The following AGBL4 variants were observed in gnomAD, a reference collection of about 807,000 sequenced individuals.
AGBL4 encodes the protein cytosolic carboxypeptidase 6.
In AGBL4, 58 loss-of-function variants were observed where a neutral mutation model predicts 66.4. The observed-to-expected ratio is 0.87, with a 90% CI of 0.71 to 1.09. The LOEUF is 1.09. Among genes scored for constraint, AGBL4 ranks in the 50% least tolerant of loss-of-function variants. AGBL4 has a pLI of 0.00. For synonymous variants in AGBL4, 234 were observed against 222.9 expected, an observed-to-expected ratio of 1.05 and a Z score of -0.44; for missense variants, 579 against 631.0, an observed-to-expected ratio of 0.92 and a Z score of 0.88.
rs912978533 is a variant in AGBL4 at position 48,647,283 on chromosome 1, G to A, written c.839+6054C>T. ...CTCCACACTCCCAAGAAATACTGAGGTTTTCCAAAGATGAGAAATTTCACA... is the reference window on the plus strand; with the variant it reads ...CTCCACACTCCCAAGAAATACTGAGATTTTCCAAAGATGAGAAATTTCACA... On this transcript the variant is annotated intron_variant, in intron 8 of 13. Transcript: ENST00000371839. 2.0e-5 allele frequency among the ~76,000 whole-genome samples: 3 copies of A among 152,262 alleles called. No homozygotes were observed. The East Asian group carries it at 5.8e-4, about 29-fold the overall frequency.
intron 5 of AGBL4, among the ~76,000 whole-genome samples, chr1:48,905,357 G>A (rs764031250): frequency 1.4e-4 from 22 of 152,214 alleles, no homozygotes; most frequent in Admixed American, 2.6e-4. Flanking sequence ...ACAATGTTTG[G>A]TAACAAATGT....
intron 4 of AGBL4, among the ~76,000 whole-genome samples, chr1:49,128,653 TG>T (rs1218008487): frequency 6.6e-6 from 1 of 152,008 alleles, no homozygotes; most frequent in Non-Finnish European, 1.5e-5. Context: ...CTAGAACAAC[TG>T]GATATCCAAT....
chr1:49,948,022 A>ATATTTATATATATATATT (rs1557607811), intron 1 of AGBL4, among the ~76,000 whole-genome samples: 1 of 84,386 alleles, frequency 1.2e-5, no homozygotes, highest in African/African-American at 6.4e-5. Flanking sequence ...ATATAAATAT[A>ATATTTATATATATATATT]TATAAATATA....
chr1:48,959,815 C>T (rs1298363524), intron 5 of AGBL4, among the ~76,000 whole-genome samples: 1 of 152,134 alleles, frequency 6.6e-6, no homozygotes, highest in South Asian at 2.1e-4. Context: ...GCAGAGTAAT[C>T]AAGTGAGAGG....
chr1:49,916,844 G>T (rs1190718069), intron 1 of AGBL4, among the ~76,000 whole-genome samples: 9 of 152,134 alleles, frequency 5.9e-5, no homozygotes, highest in Non-Finnish European at 8.8e-5. Context: ...GAAAGGTCAG[G>T]TTACCCACAA....
In AGBL4 at chr1:49,434,922, C is replaced by T. The variant is rs529270656; in HGVS notation, c.283-189058G>A. 1.2e-4 allele frequency among the ~76,000 whole-genome samples: 19 copies of T among 152,096 alleles called. No homozygotes were observed. The South Asian group carries it at 2.9e-3, about 23-fold the overall frequency. Reference sequence around the variant, plus strand: ...TGGCATTCCCAAGTATTGGAGGTCTCGAGGGCCCACAGAGACAGCACCCTT... The same window carrying T: ...TGGCATTCCCAAGTATTGGAGGTCTTGAGGGCCCACAGAGACAGCACCCTT... On this transcript the variant is annotated intron_variant, in intron 3 of 13. Transcript: ENST00000371839.
intron 4 of AGBL4, among the ~76,000 whole-genome samples, chr1:49,210,796 C>G (rs1648606107): frequency 6.6e-6 from 1 of 152,094 alleles, no homozygotes; most frequent in South Asian, 2.1e-4. Flanking sequence ...ATCTTCTAAA[C>G]AAATAATAAA....
At chr1:49,043,654 T>C (rs927513617) in intron 5 of AGBL4, among the ~76,000 whole-genome samples, 2 of 152,174 alleles carry the variant, frequency 1.3e-5, no homozygotes, top group Admixed American at 6.6e-5. Flanking sequence ...ATATACCATG[T>C]ATACCAATTA....
At chr1:49,867,687 C>T (rs1646738028) in intron 1 of AGBL4, among the ~76,000 whole-genome samples, 2 of 152,028 alleles carry the variant, frequency 1.3e-5, no homozygotes, top group Non-Finnish European at 2.9e-5. Context: ...GAATTCATTG[C>T]CACCAGGTCT....
chr1:49,217,528 T>C (rs975456806), intron 4 of AGBL4, among the ~76,000 whole-genome samples: 3 of 152,178 alleles, frequency 2.0e-5, no homozygotes, highest in African/African-American at 7.2e-5. Context: ...TTACACTTGA[T>C]CTGTCCTTCT....
intron 2 of AGBL4, chr1:49,845,329 G>A (rs1646112195): frequency 1.3e-6 from 2 of 1,494,076 alleles, no homozygotes; most frequent in Admixed American, 1.7e-5. Context: ...GAAACCCTAT[G>A]AGTGCAGTGT....
chr1:49,298,776 A>G (rs920083137), intron 3 of AGBL4, among the ~76,000 whole-genome samples: 2 of 152,252 alleles, frequency 1.3e-5, no homozygotes, highest in African/African-American at 4.8e-5. Context: ...TTTTATCTCC[A>G]TGAAGACTGG....
At chr1:49,244,289 A>C (rs2148326025) in intron 4 of AGBL4, among the ~76,000 whole-genome samples, 1 of 151,920 alleles carries the variant, frequency 6.6e-6, no homozygotes, top group South Asian at 2.1e-4. Context: ...GTACTAATCT[A>C]TATATATGCC....
At chr1:49,821,411 G>C (rs1645366483) in intron 2 of AGBL4, among the ~76,000 whole-genome samples, 1 of 152,166 alleles carries the variant, frequency 6.6e-6, no homozygotes. Flanking sequence ...AGGGTCAAAT[G>C]AGATCAAGGC....
At chr1:48,943,020 C>T (rs1408628820) in intron 5 of AGBL4, among the ~76,000 whole-genome samples, 4 of 152,280 alleles carry the variant, frequency 2.6e-5, no homozygotes, top group East Asian at 3.9e-4. Flanking sequence ...TCCCCTTTAT[C>T]GTAGTTATTT....
At chr1:49,239,736 T>C (rs1252808121) in intron 4 of AGBL4, among the ~76,000 whole-genome samples, 1 of 152,138 alleles carries the variant, frequency 6.6e-6, no homozygotes, top group Non-Finnish European at 1.5e-5. Context: ...ATACCTGTTA[T>C]GTACCAGGCA....
chr1:48,927,792 A>C (rs770297278), intron 5 of AGBL4, among the ~76,000 whole-genome samples: 1 of 152,192 alleles, frequency 6.6e-6, no homozygotes, highest in Non-Finnish European at 1.5e-5. Context: ...ATAAGGCTCA[A>C]TGCTAGGATT....
intron 2 of AGBL4, among the ~76,000 whole-genome samples, chr1:49,711,933 A>C (rs996106961): frequency 5.9e-5 from 9 of 151,996 alleles, no homozygotes; most frequent in African/African-American, 2.2e-4. Flanking sequence ...CTATCACTTA[A>C]TAGCTTTGTT....
At chr1:49,280,675 G>A (rs1346532629) in intron 3 of AGBL4, among the ~76,000 whole-genome samples, 1 of 152,326 alleles carries the variant, frequency 6.6e-6, no homozygotes, top group South Asian at 2.1e-4. Context: ...AGTTAATTGA[G>A]GTCAAGGTGA....
Sources: gnomAD v4.1 joint callset for allele counts (sites outside exome capture counted in the v4.1 genomes callset) on GRCh38, gnomAD v4.1.1 for gene constraint, MANE v1.5 for transcripts, NCBI Gene and HGNC (gene_info 2026-07-23, HGNC 2026-07-21) for gene names.